BRPF3: variants seen among roughly 807,000 people sequenced by gnomAD.
BRPF3 encodes bromodomain and PHD finger containing 3.
A neutral mutation model predicts 102.0 loss-of-function variants in BRPF3; 18 were observed. The ratio of observed to expected loss-of-function variants is 0.18; its 90% confidence interval spans 0.12 to 0.26. The LOEUF (loss-of-function observed/expected upper bound fraction) is 0.26, where lower values mean the gene tolerates loss of function less well. Among genes scored for constraint, BRPF3 ranks in the 10% least tolerant of loss-of-function variants. The pLI is 1.00. For synonymous variants in BRPF3, 570 were observed against 614.2 expected (o/e 0.93, Z 1.06); for missense variants, 1,147 against 1,567.8 (o/e 0.73, Z 4.53).
intron 3 of BRPF3, among the ~76,000 whole-genome samples, chr6:36,206,301 T>C (rs564386469): frequency 6.6e-5 from 10 of 152,332 alleles, no homozygotes; most frequent in African/African-American, 2.4e-4. Context: ...GGTGGGGATC[T>C]GTCCTTTGGG....
chr6:36,222,921 T>G (rs1768602584), intron 10 of BRPF3, among the ~76,000 whole-genome samples: 1 of 152,208 alleles, frequency 6.6e-6, no homozygotes, highest in Non-Finnish European at 1.5e-5. Flanking sequence ...AAGTGTGTGT[T>G]TGTAGTTTTC....
chr6:36,218,288 G>T (rs550145277), intron 9 of BRPF3, among the ~76,000 whole-genome samples: 1 of 152,184 alleles, frequency 6.6e-6, no homozygotes, highest in Non-Finnish European at 1.5e-5. Context: ...TAAATCTCCT[G>T]TTGTTCAGTG....
chr6:36,203,510 G>A (rs889331356), intron 2 of BRPF3, among the ~76,000 whole-genome samples: 1 of 152,176 alleles, frequency 6.6e-6, no homozygotes, highest in East Asian at 1.9e-4. Context: ...AGGTGTGCTT[G>A]GCATGGACAT....
Position 36,210,125 on chromosome 6 carries a change from C to G in BRPF3, c.1867-91C>G. 2.0e-6 allele frequency: 3 copies of G among 1,524,148 alleles called. No homozygotes were observed. The South Asian group carries it at 3.4e-5, about 17-fold the overall frequency. The allele number at this position is 1,524,148 out of a possible 1,614,324, so 94.4% of individuals were successfully genotyped here. A position where few individuals can be genotyped will look rare whatever the true frequency, so the allele number is the denominator to read the frequency against. ...TTGAGTTAGCCTGGCATGGCCAAAT[C>G]AGAAATTGAGGAGGCCAAGAGTATT... is the stretch of plus-strand genomic sequence containing the variant. On this transcript the variant is annotated intron_variant, in intron 5 of 12. Coordinates refer to ENST00000357641, the MANE Select transcript of BRPF3 (RefSeq NM_015695.3). This position sits in a 1 kb window ranked among gnomAD's most constrained non-coding sequence, Gnocchi z 4.7.
intron 3 of BRPF3, among the ~76,000 whole-genome samples, chr6:36,206,268 C>A (rs879020527): frequency 6.6e-6 from 1 of 152,178 alleles, no homozygotes; most frequent in Admixed American, 6.5e-5. Context: ...TACATCTGGG[C>A]AGGTGTGCTT....
chr6:36,210,866 T>C lies in BRPF3; in HGVS notation c.2179+338T>C, dbSNP rs1018893111. Among the ~76,000 whole-genome samples the C allele has an allele frequency of 8.5e-5, 13 of 152,194 alleles. No individual in the cohort carries two copies. Among genetic ancestry groups the C allele is most frequent in the African/African-American group, 3.1e-4 (13 of 41,536 alleles). ...AGGGAGAGTGCATTGCTGGTGTGTG[T>C]TTGGCTCATTCAGAAGATTGCAGGT... is the stretch of plus-strand genomic sequence containing the variant. On this transcript the variant is annotated intron_variant, in intron 6 of 12. Coordinates refer to ENST00000357641, the MANE Select transcript of BRPF3 (RefSeq NM_015695.3). The surrounding 1 kb of genome is among the most constrained non-coding windows in gnomAD (Gnocchi z 4.7).
chr6:36,209,302 A>G lies in BRPF3; in HGVS notation c.1738-485A>G, dbSNP rs907461109. On this transcript the variant is annotated intron_variant, in intron 4 of 12. Transcript: ENST00000357641. ...TTAGTGTGGCATAATGGCCAAGAGCACTCACTGTAGAATCACTGGGACTGA... is the reference window on the plus strand; with the variant it reads ...TTAGTGTGGCATAATGGCCAAGAGCGCTCACTGTAGAATCACTGGGACTGA... Among the ~76,000 whole-genome samples the G allele has an allele frequency of 2.0e-5, 3 of 152,310 alleles. No individual in the cohort carries two copies. The South Asian group carries it at 6.2e-4, about 32-fold the overall frequency.
intron 10 of BRPF3, among the ~76,000 whole-genome samples, chr6:36,224,079 G>T (rs897507256): frequency 1.2e-4 from 19 of 152,152 alleles, no homozygotes; most frequent in African/African-American, 4.6e-4. Flanking sequence ...ATTACAAGTG[G>T]AGTTAAGCAC....
intron 9 of BRPF3, among the ~76,000 whole-genome samples, chr6:36,220,928 C>G (rs1189972252): frequency 4.6e-5 from 7 of 152,216 alleles, no homozygotes; most frequent in Admixed American, 4.6e-4. Flanking sequence ...AGTCCCTACT[C>G]CTGGCTGTTT....
In BRPF3 at chr6:36,201,560, T is replaced by C. The variant is rs757601395; in HGVS notation, c.1238T>C (p.Leu413Pro). 6.2e-7 allele frequency: 1 copy of C among 1,613,442 alleles called. No individual in the cohort carries two copies. Among genetic ancestry groups the C allele is most frequent in the South Asian group, 1.1e-5 (1 of 91,012 alleles). Residue 413 changes from leucine to proline, a missense_variant, in exon 2 of 13, where the codon CTG becomes CCG. By Grantham distance (98) the Leu-to-Pro change is moderately conservative (BLOSUM62 -3). Around this residue, in one of 11 missense-constraint regions of BRPF3, gnomAD observed 157 missense variants for 163.6 expected, o/e 0.96. Coordinates refer to ENST00000357641, the MANE Select transcript of BRPF3 (RefSeq NM_015695.3). The surrounding 1 kb of genome is among the most constrained non-coding windows in gnomAD (Gnocchi z 5.1). Reference protein sequence around the residue: ...SISETGDEEGLKEGDGEEEEE... With the variant: ...SISETGDEEGPKEGDGEEEEE... ...AGTGAGACTGGCGATGAGGAAGGGC[T>C]GAAGGAGGGTGATGGAGAGGAGGAA...
At chr6:36,215,343 C>G (rs188517855) in intron 8 of BRPF3, among the ~76,000 whole-genome samples, 3 of 152,262 alleles carry the variant, frequency 2.0e-5, no homozygotes, top group African/African-American at 7.2e-5. Flanking sequence ...CACCTGACCT[C>G]AAGTGATTTG....
intron 2 of BRPF3, among the ~76,000 whole-genome samples, chr6:36,203,725 A>T (rs1238265566): frequency 6.6e-6 from 1 of 152,196 alleles, no homozygotes; most frequent in Non-Finnish European, 1.5e-5. Flanking sequence ...AGGAGAGGAA[A>T]CACCACAAGA....
intron 11 of BRPF3, among the ~76,000 whole-genome samples, chr6:36,225,603 T>G (rs1344108845): frequency 1.3e-5 from 2 of 152,218 alleles, no homozygotes; most frequent in Admixed American, 6.5e-5. Flanking sequence ...TAGCATTTAT[T>G]TATTTCCTTA....
At position 36,207,269 on chromosome 6, in the gene BRPF3, T is replaced by C. The variant is rs1362235744; in HGVS notation, c.1606-44T>C. 2.5e-6 allele frequency: 4 copies of C among 1,597,940 alleles called. No homozygotes were observed. In the African/African-American group the frequency reaches 5.4e-5, roughly 21 times the overall value. On this transcript the variant is annotated intron_variant, in intron 3 of 12. Transcript: ENST00000357641. Reference sequence around the variant, plus strand: ...GAGGCTTGAACAGGGAGAGGACTTTTGCAAGAAGGAGGTTCCTAGTCCCTC... The same window carrying C: ...GAGGCTTGAACAGGGAGAGGACTTTCGCAAGAAGGAGGTTCCTAGTCCCTC...
At chr6:36,215,018 CTG>C (rs565036160) in intron 8 of BRPF3, among the ~76,000 whole-genome samples, 318 of 151,370 alleles carry the variant, frequency 2.1e-3, no homozygotes, top group Non-Finnish European at 4.1e-3. Context: ...CTGAGGAACA[CTG>C]AGGGAACCAG....
chr6:36,200,833 C>T lies in BRPF3; in HGVS notation c.511C>T (p.Arg171Trp), dbSNP rs753713981. 1.9e-6 allele frequency: 3 copies of T among 1,614,160 alleles called. No homozygotes were observed. The highest frequency in any genetic ancestry group is 2.5e-6 in the Non-Finnish European group (3 of 1,180,030). ...CTGGCTGGACATGGTGAATGAAAAA[C>T]GGCGAGTAGATGGGCACAGTTTGGT... is the stretch of plus-strand genomic sequence containing the variant. ...LAWLDMVNEKRRVDGHSLVSA... is the reference protein window; with the variant it reads ...LAWLDMVNEKWRVDGHSLVSA... The change falls in exon 2 of 13, where the codon CGG becomes TGG. Residue 171 changes from arginine (R) to tryptophan (W), a missense_variant. By Grantham distance (101) the Arg-to-Trp change is moderately radical. Coordinates refer to ENST00000357641, the MANE Select transcript of BRPF3 (RefSeq NM_015695.3). The surrounding 1 kb of genome is among the most constrained non-coding windows in gnomAD (Gnocchi z 5.3).
At chr6:36,228,597 A>G (rs765285631) in intron 11 of BRPF3, among the ~76,000 whole-genome samples, 1 of 152,182 alleles carries the variant, frequency 6.6e-6, no homozygotes, top group Non-Finnish European at 1.5e-5. Flanking sequence ...GTTAGAACCA[A>G]CTGGATGGCC....
intron 8 of BRPF3, among the ~76,000 whole-genome samples, chr6:36,215,362 A>C (rs1768290862): frequency 6.6e-6 from 1 of 152,168 alleles, no homozygotes; most frequent in Non-Finnish European, 1.5e-5. Flanking sequence ...TGCCCGCCTC[A>C]GCCTCCCAAA....
chr6:36,227,941 G>A (rs933795753), intron 11 of BRPF3, among the ~76,000 whole-genome samples: 12 of 152,304 alleles, frequency 7.9e-5, no homozygotes, highest in Admixed American at 3.3e-4. Flanking sequence ...CAGCGTATAG[G>A]AAGTAAGATT....
Sources: allele counts gnomAD v4.1 joint callset (sites outside exome capture counted in the v4.1 genomes callset), GRCh38; gene constraint gnomAD v4.1.1; regional missense constraint gnomAD v4.1.1; non-coding constraint Gnocchi (gnomAD v3.1); transcripts MANE v1.5; gene names NCBI Gene and HGNC (gene_info 2026-07-23, HGNC 2026-07-21).